The following IL15 variants were observed in gnomAD, a reference collection of about 807,000 sequenced individuals.
IL15 encodes interleukin 15, also known as interleukin-15.
Under a neutral mutation model 19.6 loss-of-function variants are expected in IL15, and 11 were observed. The ratio of observed to expected loss-of-function variants is 0.56; its 90% confidence interval spans 0.35 to 0.93. The LOEUF is 0.93. Among genes scored for constraint, IL15 ranks in the 40% least tolerant of loss-of-function variants. IL15 has a pLI of 0.01. For missense variants in IL15, 197 were observed against 186.5 expected, an observed-to-expected ratio of 1.06 and a Z score of -0.33; for synonymous variants, 58 against 59.6, an observed-to-expected ratio of 0.97 and a Z score of 0.12.
chr4:141,658,951 C>T (rs530528632), intron 2 of IL15, among the ~76,000 whole-genome samples: 11 of 151,222 alleles, frequency 7.3e-5, no homozygotes, highest in Non-Finnish European at 1.5e-4. Flanking sequence ...GCTCCGCCTC[C>T]CGGGTTCAAG....
intron 2 of IL15, among the ~76,000 whole-genome samples, chr4:141,700,508 T>C (rs566836776): frequency 1.1e-4 from 17 of 152,196 alleles, no homozygotes; most frequent in Non-Finnish European, 2.5e-4. Context: ...ATCTGATAGG[T>C]TTGACTTTAT....
rs1436297404 is a variant in IL15, at chr4:141,732,617, T to C, written c.379-121T>C. On this transcript the variant is annotated intron_variant, in intron 7 of 7. Coordinates refer to ENST00000320650, the MANE Select transcript of IL15 (RefSeq NM_000585.5). ...TCTTCCTAATATGCTATTTATTTGC[T>C]AAAGCTTTCATATCTCAAGACCTCA... 9 of 1,317,388 alleles carry C rather than the reference T, an allele frequency of 6.8e-6. No homozygotes were observed. The Admixed American group carries it at 8.7e-5, about 13-fold the overall frequency. 81.6% of individuals were successfully genotyped at this position (1,317,388 alleles called of 1,614,324 possible).
At chr4:141,661,039 A>G (rs536791108) in intron 2 of IL15, among the ~76,000 whole-genome samples, 1 of 152,290 alleles carries the variant, frequency 6.6e-6, no homozygotes, top group Admixed American at 6.5e-5. Flanking sequence ...GCCAAATGTA[A>G]TTCTCTTGGA....
chr4:141,732,657 C>T (rs959335430), intron 7 of IL15, 81 bp from the exon 8 acceptor site: 20 of 1,548,074 alleles, frequency 1.3e-5, no homozygotes, highest in African/African-American at 4.2e-5. Flanking sequence ...ATGGTTCAAA[C>T]GATATGATAT....
chr4:141,667,889 A>G (rs1728045191), intron 2 of IL15, among the ~76,000 whole-genome samples: 1 of 152,200 alleles, frequency 6.6e-6, no homozygotes, highest in Admixed American at 6.5e-5. Flanking sequence ...GTCATCTACC[A>G]TTAGTGAGCT....
chr4:141,732,605 C>A, intron 7 of IL15, 133 bp from the exon 8 acceptor site: 1 of 1,154,998 alleles, frequency 8.7e-7, no homozygotes, highest in Non-Finnish European at 1.2e-6. Context: ...TCCTAATATG[C>A]TATTTATTTG....
chr4:141,720,446 T>A lies in IL15; in HGVS notation c.13-23T>A, dbSNP rs41308483. On this transcript the variant is annotated intron_variant, in intron 3 of 7. Transcript: ENST00000320650. ...CTTTTTAACTAAAAAATTTAACCATTTGTCTATGATTATATTTTTCAGAAA... is the reference window on the plus strand; with the variant it reads ...CTTTTTAACTAAAAAATTTAACCATATGTCTATGATTATATTTTTCAGAAA... The A allele has an allele frequency of 4.6e-3, 5,547 of 1,218,338 alleles. 14 individuals are homozygous for A. The highest frequency in any genetic ancestry group is 5.7e-3 in the Middle Eastern group (30 of 5,266). 75.5% of individuals were successfully genotyped at this position (1,218,338 alleles called of 1,614,324 possible). A position where few individuals can be genotyped will look rare whatever the true frequency, so the allele number is the denominator to read the frequency against.
chr4:141,666,891 C>A (rs1728006238), intron 2 of IL15, among the ~76,000 whole-genome samples: 1 of 152,170 alleles, frequency 6.6e-6, no homozygotes, highest in Non-Finnish European at 1.5e-5. Context: ...CCCCACTCAG[C>A]CTATTCATAT....
Position 141,719,417 on chromosome 4 carries a change from A to T in IL15, c.-48A>T. 1 of 801,476 alleles carries T rather than the reference A, an allele frequency of 1.2e-6. No individual in the cohort carries two copies. The highest frequency in any genetic ancestry group is 2.2e-6 in the Non-Finnish European group (1 of 451,450). 49.6% of individuals were successfully genotyped at this position (801,476 alleles called of 1,614,324 possible). A position where few individuals can be genotyped will look rare whatever the true frequency, so the allele number is the denominator to read the frequency against. On this transcript the variant is annotated 5_prime_UTR_variant, in exon 3 of 8. Transcript: ENST00000320650. ...GGATGGCTGCTGGAAACCCCTTGCC[A>T]TAGCCAGCTCTTCTTCAATACTTAA...
At chr4:141,708,967 A>T (rs1267721168) in intron 2 of IL15, among the ~76,000 whole-genome samples, 1 of 150,470 alleles carries the variant, frequency 6.6e-6, no homozygotes, top group Non-Finnish European at 1.5e-5. Context: ...AGTGGATGGG[A>T]TTTTTTATTT....
chr4:141,707,588 C>T (rs1264298443), intron 2 of IL15, among the ~76,000 whole-genome samples: 1 of 152,162 alleles, frequency 6.6e-6, no homozygotes, highest in Non-Finnish European at 1.5e-5. Context: ...GGTATAAGTT[C>T]AGCATGGTGA....
intron 5 of IL15, among the ~76,000 whole-genome samples, chr4:141,723,549 G>A (rs886547142): frequency 1.3e-5 from 2 of 152,128 alleles, no homozygotes; most frequent in African/African-American, 4.8e-5. Flanking sequence ...CCTTGACTTT[G>A]GACTTCCAGT....
chr4:141,695,272 C>CTTTT (rs34115620), intron 2 of IL15, among the ~76,000 whole-genome samples: 1 of 62,564 alleles, frequency 1.6e-5, no homozygotes, highest in Non-Finnish European at 2.7e-5. Flanking sequence ...TCTATGATAC[C>CTTTT]TTTTTTTTTT....
At chr4:141,664,392 A>ACAC (rs1553987469) in intron 2 of IL15, among the ~76,000 whole-genome samples, 21 of 112,736 alleles carry the variant, frequency 1.9e-4, no homozygotes, top group Admixed American at 8.6e-4. Context: ...CACACACACA[A>ACAC]AACCAACAAC....
At chr4:141,668,367 C>T (rs1158561448) in intron 2 of IL15, among the ~76,000 whole-genome samples, 2 of 152,238 alleles carry the variant, frequency 1.3e-5, no homozygotes, top group Non-Finnish European at 2.9e-5. Flanking sequence ...GCCTCTGACT[C>T]TCTCCTCAGC....
chr4:141,668,678 C>T (rs1728072931), intron 2 of IL15, among the ~76,000 whole-genome samples: 2 of 152,160 alleles, frequency 1.3e-5, no homozygotes, highest in African/African-American at 4.8e-5. Context: ...GCCTTCCCAC[C>T]CACTAGCTGA....
At chr4:141,694,714 C>T (rs1211578258) in intron 2 of IL15, among the ~76,000 whole-genome samples, 2 of 152,102 alleles carry the variant, frequency 1.3e-5, no homozygotes, top group African/African-American at 4.8e-5. Context: ...CCAGCCTGGA[C>T]CTCTATCCTG....
intron 2 of IL15, among the ~76,000 whole-genome samples, chr4:141,672,868 C>T (rs1728220230): frequency 6.6e-6 from 1 of 152,008 alleles, no homozygotes; most frequent in Non-Finnish European, 1.5e-5. Flanking sequence ...TGAAGCGCAC[C>T]CTACTATTCT....
At chr4:141,724,552 T>C (rs925490280) in intron 5 of IL15, among the ~76,000 whole-genome samples, 1 of 133,286 alleles carries the variant, frequency 7.5e-6, no homozygotes, top group African/African-American at 2.9e-5. Flanking sequence ...GGAAAATCAA[T>C]ACAATTGATC....
Sources: gnomAD v4.1 joint callset for allele counts (sites outside exome capture counted in the v4.1 genomes callset) on GRCh38, gnomAD v4.1.1 for gene constraint, MANE v1.5 for transcripts, NCBI Gene and HGNC (gene_info 2026-07-23, HGNC 2026-07-21) for gene names.